Variants in SNPH observed in about 807,000 individuals in gnomAD.
SNPH encodes syntaphilin.
In SNPH, 10 loss-of-function variants were observed where a neutral mutation model predicts 36.8. The ratio of observed to expected loss-of-function variants is 0.27; its 90% CI spans 0.17 to 0.46. SNPH has a LOEUF of 0.46. Among genes scored for constraint, SNPH ranks in the 20% least tolerant of loss-of-function variants. SNPH has a pLI of 1.00. For synonymous variants in SNPH, 281 were observed against 312.2 expected (o/e 0.90, Z 1.05); for missense variants, 622 against 744.0 (o/e 0.84, Z 1.91).
At chr20:1,301,370 G>A (rs570619351) in intron 6 of SNPH, among the ~76,000 whole-genome samples, 3 of 152,260 alleles carry the variant, frequency 2.0e-5, no homozygotes, top group Non-Finnish European at 2.9e-5. Flanking sequence ...TCAGGGCGTC[G>A]ATCTCCCATT....
At chr20:1,270,700 C>T (rs1342501346) in intron 2 of SNPH, among the ~76,000 whole-genome samples, 3 of 152,162 alleles carry the variant, frequency 2.0e-5, no homozygotes, top group Non-Finnish European at 4.4e-5. Flanking sequence ...TTTGAAATTC[C>T]TCTGACAAAG....
chr20:1,283,583 T>TA (rs2088250915), intron 2 of SNPH, among the ~76,000 whole-genome samples: 1 of 152,200 alleles, frequency 6.6e-6, no homozygotes. Flanking sequence ...ACATGGATTT[T>TA]AAAAAAATAT....
chr20:1,273,159 A>G (rs139270703), intron 2 of SNPH, among the ~76,000 whole-genome samples: 4,875 of 152,284 alleles, frequency 0.032, 131 homozygotes, highest in Non-Finnish European at 0.048. Flanking sequence ...CTGGACAGCA[A>G]GCAGTCTCTC....
At position 1,284,404 on chromosome 20, in the gene SNPH, G is replaced by A. The variant is rs1174750671; in HGVS notation, c.-492-10547G>A. ...TGGCCTGACACTAGTCTAGGCATAA[G>A]GGACTAAATAAAGCATAAAATGGGC... On this transcript the variant is annotated intron_variant, in intron 2 of 6. Coordinates refer to ENST00000381867, the MANE Select transcript of SNPH (RefSeq NM_001318234.2). 7.9e-5 allele frequency among the ~76,000 whole-genome samples: 12 copies of A among 152,256 alleles called. No individual in the cohort carries two copies. In the East Asian group the frequency reaches 2.3e-3, roughly 29 times the overall value.
chr20:1,277,789 GTA>G (rs1362373172), intron 2 of SNPH, among the ~76,000 whole-genome samples: 2 of 144,974 alleles, frequency 1.4e-5, no homozygotes, highest in South Asian at 2.3e-4. Flanking sequence ...GTGTGCCTGT[GTA>G]TGTGTGCCTG....
At position 1,292,554 on chromosome 20, in the gene SNPH, A is replaced by G. The variant is rs141833572; in HGVS notation, c.-492-2397A>G. Among the ~76,000 whole-genome samples the G allele has an allele frequency of 2.2e-3, 337 of 152,288 alleles. 3 individuals carry two copies. The highest frequency in any genetic ancestry group is 7.5e-3 in the African/African-American group (311 of 41,546). ...CCTGGTTGGTAACCTCCTAACTGGT[A>G]TCTGGTATCCCTCCCTCTCCACACA... On this transcript the variant is annotated intron_variant, in intron 2 of 6. Coordinates refer to ENST00000381867, the MANE Select transcript of SNPH (RefSeq NM_001318234.2).
intron 2 of SNPH, among the ~76,000 whole-genome samples, chr20:1,283,634 A>G (rs192846463): frequency 2.0e-3 from 300 of 152,334 alleles, no homozygotes; most frequent in Non-Finnish European, 2.8e-3. Context: ...ATTGGAATAC[A>G]TATACATGCA....
At chr20:1,284,399 C>G (rs951377524) in intron 2 of SNPH, among the ~76,000 whole-genome samples, 120 of 152,280 alleles carry the variant, frequency 7.9e-4, no homozygotes, top group African/African-American at 2.7e-3. Flanking sequence ...CTAGTCTAGG[C>G]ATAAGGGACT....
At chr20:1,270,865 A>T (rs181287048) in intron 2 of SNPH, among the ~76,000 whole-genome samples, 105 of 152,314 alleles carry the variant, frequency 6.9e-4, no homozygotes, top group African/African-American at 2.4e-3. Flanking sequence ...ACTCTGGCCT[A>T]ACGGGGATTG....
rs765332952 is a variant in SNPH, at chr20:1,297,187, C to G, written c.225C>G (p.Thr75=). ...PPVSVRDAYG[T]SSLSSSSNSG... is the part of the protein sequence containing the mutation. ...TGAGCGTGCGGGATGCCTACGGCAC[C>G]TCTTCGCTCAGCAGCAGCAGCAATT... Residue 75 remains threonine (T), a synonymous_variant, in exon 5 of 7, where the codon ACC becomes ACG. Transcript: ENST00000381867. The G allele has an allele frequency of 1.9e-6, 3 of 1,613,920 alleles. No individual in the cohort carries two copies. The highest frequency in any genetic ancestry group is 2.2e-5 in the South Asian group (2 of 91,068).
Position 1,305,802 on chromosome 20 carries a change from C to T in SNPH, c.1365C>T (p.Ala455=), listed in dbSNP as rs755152130. Residue 455 remains alanine, a synonymous_variant, in exon 7 of 7, where the codon GCC becomes GCT. Transcript: ENST00000381867. ...CCATGGAAGAGGAGGAGGAGGCTGC[C>T]GTGGCTGAGAAGGAGCCCAAGAGCT... The part of the protein sequence containing the change: ...VCPMEEEEEA[A]VAEKEPKSYW... The T allele has an allele frequency of 7.7e-5, 123 of 1,595,988 alleles. No individual in the cohort carries two copies. The highest frequency in any genetic ancestry group is 4.5e-5 in the East Asian group (2 of 44,094).
chr20:1,292,542 C>T (rs923644868), intron 2 of SNPH, among the ~76,000 whole-genome samples: 18 of 152,220 alleles, frequency 1.2e-4, no homozygotes, highest in African/African-American at 4.3e-4. Context: ...GGTTGGTAAC[C>T]TCCTAACTGG....
In SNPH at chr20:1,307,403, C is replaced by T. The variant is rs1166664988; in HGVS notation, c.*1349C>T. The T allele has an allele frequency of 1.3e-5, 2 of 152,248 alleles. No homozygotes were observed. Among genetic ancestry groups the T allele is most frequent in the Non-Finnish European group, 2.9e-5 (2 of 68,070 alleles). The allele number at this position is 152,248 out of a possible 1,614,324, so 9.4% of individuals were successfully genotyped here. ...CTCTTTTCCCGGGACCATACTGAGT[C>T]CCCCAGCCACGCTGCTGACATTACC... is the stretch of plus-strand genomic sequence containing the variant. On this transcript the variant is annotated 3_prime_UTR_variant, in exon 7 of 7. Transcript: ENST00000381867.
At chr20:1,281,747 G>A (rs533022386) in intron 2 of SNPH, among the ~76,000 whole-genome samples, 51 of 152,336 alleles carry the variant, frequency 3.3e-4, no homozygotes, top group Admixed American at 1.4e-3. Context: ...TCAGTGACAC[G>A]TGCTTCGATT....
At chr20:1,275,569 A>G (rs1048401679) in intron 2 of SNPH, among the ~76,000 whole-genome samples, 6 of 152,192 alleles carry the variant, frequency 3.9e-5, no homozygotes, top group Non-Finnish European at 8.8e-5. Flanking sequence ...CAGCTGTTAC[A>G]TGGTGGCTGA....
chr20:1,298,803 T>TG (rs2088470062), intron 5 of SNPH, among the ~76,000 whole-genome samples: 1 of 99,648 alleles, frequency 1.0e-5, no homozygotes, highest in Non-Finnish European at 2.0e-5. Flanking sequence ...TTTTTTCTAA[T>TG]TTGTGTGTGT....
At position 1,286,089 on chromosome 20, in the gene SNPH, TAAA is replaced by T. The variant is rs11475556; in HGVS notation, c.-492-8840_-492-8838del. ...TGAGCGACAGAGCGAGACTCCATCT[TAAA>T]AAAAAAAAAAAAAAAAAAAAAGATA... On this transcript the variant is annotated intron_variant, in intron 2 of 6. Coordinates refer to ENST00000381867, the MANE Select transcript of SNPH (RefSeq NM_001318234.2). Among the ~76,000 whole-genome samples the T allele has an allele frequency of 5.2e-3, 519 of 100,504 alleles. 3 individuals carry two copies. The highest frequency in any genetic ancestry group is 0.013 in the African/African-American group (348 of 26,062). 65.9% of individuals were successfully genotyped at this position (100,504 alleles called of 152,430 possible). A position where few individuals can be genotyped will look rare whatever the true frequency, so the allele number is the denominator to read the frequency against.
intron 5 of SNPH, 114 bp downstream of exon 5, chr20:1,297,366 C>A: frequency 2.2e-6 from 2 of 889,620 alleles, no homozygotes; most frequent in Admixed American, 2.5e-5. Context: ...GCCAGCATAG[C>A]CGCTGGCCGT....
intron 2 of SNPH, among the ~76,000 whole-genome samples, chr20:1,280,667 G>A (rs1243776486): frequency 6.6e-6 from 1 of 152,158 alleles, no homozygotes; most frequent in African/African-American, 2.4e-5. Flanking sequence ...CAAGTACCGT[G>A]GTCTCCATAC....
Sources: gnomAD v4.1 joint callset for allele counts (sites outside exome capture counted in the v4.1 genomes callset) on GRCh38, gnomAD v4.1.1 for gene constraint, MANE v1.5 for transcripts, NCBI Gene and HGNC (gene_info 2026-07-23, HGNC 2026-07-21) for gene names.